Variants in ZSCAN18 observed in about 807,000 individuals in gnomAD.
ZSCAN18 encodes zinc finger and SCAN domain-containing protein 18.
Under a neutral mutation model 31.1 loss-of-function variants are expected in ZSCAN18, and 16 were observed. The ratio of observed to expected loss-of-function variants is 0.51; its 90% confidence interval spans 0.35 to 0.78. The LOEUF (loss-of-function observed/expected upper bound fraction) is 0.78. Among genes scored for constraint, ZSCAN18 ranks in the 30% least tolerant of loss-of-function variants. ZSCAN18 has a pLI of 0.01. For synonymous variants in ZSCAN18, 375 were observed against 320.7 expected, an observed-to-expected ratio of 1.17 and a Z score of -1.81; for missense variants, 731 against 697.4, an observed-to-expected ratio of 1.05 and a Z score of -0.54.
chr19:58,090,360 GCTC>G lies in ZSCAN18; in HGVS notation c.-96_-94del. 1.9e-6 allele frequency: 3 copies of G among 1,593,268 alleles called. No homozygotes were observed. In the Middle Eastern group the frequency reaches 5.0e-4, roughly 266 times the overall value. On this transcript the variant is annotated 5_prime_UTR_variant, in exon 2 of 7. Transcript: ENST00000601144. This position sits in a 1 kb window ranked among gnomAD's most constrained non-coding sequence, Gnocchi z 4.7. ...CCAGGGATGACCAGATGCCCAGTGGGCTCAGGTGGTGCCAGAACCCACAGACCT... is the reference window on the plus strand; with the variant it reads ...CCAGGGATGACCAGATGCCCAGTGGGAGGTGGTGCCAGAACCCACAGACCT...
At chr19:58,096,671 G>A (rs2074525437) in intron 1 of ZSCAN18, among the ~76,000 whole-genome samples, 1 of 152,166 alleles carries the variant, frequency 6.6e-6, no homozygotes, top group African/African-American at 2.4e-5. Context: ...ACACTCATCG[G>A]CAGGGTCTAG....
Position 58,085,074 on chromosome 19 carries a change from G to A in ZSCAN18, c.1144C>T (p.Leu382Phe), listed in dbSNP as rs781361674. 1.7e-5 allele frequency: 28 copies of A among 1,603,078 alleles called. No individual in the cohort carries two copies. In the African/African-American group the frequency reaches 2.7e-4, roughly 15 times the overall value. The change falls in exon 7 of 7, where the codon CTC (leucine) becomes TTC (phenylalanine). Residue 382 changes from leucine to phenylalanine, a missense_variant. This residue lies in a region of ZSCAN18 where 597 missense variants were observed against 499.5 expected (regional missense o/e 1.20). Transcript: ENST00000601144. ...PHPEDGDGQS[L>F]EGVSSSGDSA... ...TCGCCGGAGCTAGAGACGCCCTCGA[G>A]GCTCTGCCCGTCCCCATCCTCGGGG...
chr19:58,094,651 G>C lies in ZSCAN18; in HGVS notation c.-120+3523C>G, dbSNP rs141716873. Among the ~76,000 whole-genome samples, 188 of 151,974 alleles carry C rather than the reference G, an allele frequency of 1.2e-3. 4 individuals are homozygous for C. In the East Asian group the frequency reaches 0.028, roughly 23 times the overall value. ...CCAGCACTTTGGGAGGCCACGGTAG[G>C]TGGACAGCTTGAGCCCAGGAGCTCA... On this transcript the variant is annotated intron_variant, in intron 1 of 6. Coordinates refer to ENST00000601144, the MANE Select transcript of ZSCAN18 (RefSeq NM_001145543.2).
chr19:58,087,110 C>G, intron 4 of ZSCAN18, 102 bp from the exon 5 acceptor site: 1 of 1,112,074 alleles, frequency 9.0e-7, no homozygotes, highest in Non-Finnish European at 1.3e-6. Flanking sequence ...CAGCCCTGGC[C>G]AGGGACTCTA....
rs932260112 is a variant in ZSCAN18 at position 58,090,906 on chromosome 19, A to T, written c.-119-520T>A. 3.3e-5 allele frequency among the ~76,000 whole-genome samples: 5 copies of T among 151,962 alleles called. No homozygotes were observed. Among genetic ancestry groups the T allele is most frequent in the African/African-American group, 4.8e-5 (2 of 41,482 alleles). On this transcript the variant is annotated intron_variant, in intron 1 of 6. Transcript: ENST00000601144. The surrounding 1 kb of genome is among the most constrained non-coding windows in gnomAD (Gnocchi z 4.7). Reference sequence around the variant, plus strand: ...CGCCCAGCATCATTACCAGAATTTTAAAAAATCAGTCATGAATAGGATGAA... The same window carrying T: ...CGCCCAGCATCATTACCAGAATTTTTAAAAATCAGTCATGAATAGGATGAA...
rs746647847 is a variant in ZSCAN18, at chr19:58,084,832, G to T, written c.1386C>A (p.Thr462=). The T allele has an allele frequency of 3.1e-6, 5 of 1,597,370 alleles. No homozygotes were observed. Among genetic ancestry groups the T allele is most frequent in the Non-Finnish European group, 4.3e-6 (5 of 1,174,622 alleles). The stretch of plus-strand genomic sequence containing the variant: ...GCGCGTAGCTTTTCTCCTTCTCGTG[G>T]GTCTTCTGGTGCTCGGCTAGGGCCA... ...FSLALAEHQK[T]HEKEKSYALG... Residue 462 remains threonine (T), a synonymous_variant, in exon 7 of 7, where the codon ACC becomes ACA. Coordinates refer to ENST00000601144, the MANE Select transcript of ZSCAN18 (RefSeq NM_001145543.2). The surrounding 1 kb of genome is among the most constrained non-coding windows in gnomAD (Gnocchi z 4.5).
At chr19:58,092,939 T>TA (rs1299786546) in intron 1 of ZSCAN18, among the ~76,000 whole-genome samples, 15 of 152,004 alleles carry the variant, frequency 9.9e-5, no homozygotes, top group African/African-American at 3.6e-4. Context: ...CACACCTGGC[T>TA]AATTTTTAAT....
upstream of ZSCAN18, chr19:58,098,405 T>C: frequency 5.1e-6 from 5 of 984,384 alleles, no homozygotes; most frequent in Non-Finnish European, 6.0e-6. Flanking sequence ...GGCGCCTGCG[T>C]CATTTTGGGC....
chr19:58,095,072 A>G (rs2074495193), intron 1 of ZSCAN18, among the ~76,000 whole-genome samples: 1 of 151,922 alleles, frequency 6.6e-6, no homozygotes, highest in Non-Finnish European at 1.5e-5. Context: ...AATACAAACA[A>G]AACAGGTCAC....
At chr19:58,086,536 CG>C (rs3833212) in intron 5 of ZSCAN18, 3 of 470,790 alleles carry the variant, frequency 6.4e-6, no homozygotes, top group African/African-American at 2.0e-5. Context: ...GAGTCTGAGT[CG>C]GGGGGCCTCC....
In ZSCAN18 at chr19:58,104,397, CA is replaced by C. The variant is rs201163925; in HGVS notation, c.130+13869del. On this transcript the variant is annotated intron_variant, in intron 1 of 1. Coordinates refer to the ZSCAN18 transcript ENST00000595721. ...GTCTCAAAAACAAAACAAAACAAAACAAAACAAAAAAAAAGTCTGGGCCGGG... is the reference window on the plus strand; with the variant it reads ...GTCTCAAAAACAAAACAAAACAAAACAAACAAAAAAAAAGTCTGGGCCGGG... Among the ~76,000 whole-genome samples, 97 of 119,394 alleles carry C rather than the reference CA, an allele frequency of 8.1e-4. 1 individual carries two copies. The highest frequency in any genetic ancestry group is 4.1e-3 in the African/African-American group (85 of 20,830). 78.3% of individuals were successfully genotyped at this position (119,394 alleles called of 152,430 possible).
intron 1 of ZSCAN18, chr19:58,109,324 A>T (rs2074660568): frequency 8.1e-7 from 1 of 1,231,570 alleles, no homozygotes. Flanking sequence ...AAAGGGGAAA[A>T]TTTTTGAATC....
chr19:58,110,449 C>T (rs184560081), intron 1 of ZSCAN18, among the ~76,000 whole-genome samples: 1 of 152,248 alleles, frequency 6.6e-6, no homozygotes, highest in East Asian at 1.9e-4. Context: ...ACTGTCTAGG[C>T]CACCCAACCC....
chr19:58,118,269 T>G, exon 1 of ZSCAN18: 1 of 1,449,916 alleles, frequency 6.9e-7, no homozygotes, highest in Non-Finnish European at 9.2e-7. Context: ...GACCCCACCC[T>G]CACTAGGCCT....
intron 1 of ZSCAN18, among the ~76,000 whole-genome samples, chr19:58,115,684 A>G (rs2074723797): frequency 6.6e-6 from 1 of 152,206 alleles, no homozygotes; most frequent in South Asian, 2.1e-4. Context: ...TCTAAATGCC[A>G]AGAGATGTGG....
At chr19:58,100,871 T>C (rs1807126507), upstream of ZSCAN18, among the ~76,000 whole-genome samples, 1 of 149,604 alleles carries the variant, frequency 6.7e-6, no homozygotes, top group African/African-American at 2.5e-5. Context: ...CAAAACTCCA[T>C]CTAAAAAAAA....
intron 6 of ZSCAN18, 94 bp from the exon 7 acceptor site, chr19:58,085,473 G>T: frequency 1.7e-6 from 2 of 1,147,166 alleles, no homozygotes; most frequent in Non-Finnish European, 2.4e-6. Context: ...CAGCGCACAG[G>T]GCTCCGGGCT....
chr19:58,115,897 A>G (rs1013355477), intron 1 of ZSCAN18, among the ~76,000 whole-genome samples: 24 of 152,238 alleles, frequency 1.6e-4, no homozygotes, highest in African/African-American at 5.3e-4. Context: ...AAGGATACAC[A>G]TTCAACTTGC....
chr19:58,085,428 G>T, intron 6 of ZSCAN18, 49 bp from the exon 7 acceptor site: 2 of 1,476,432 alleles, frequency 1.4e-6, no homozygotes, highest in South Asian at 1.3e-5. Context: ...CAGGGCCAGG[G>T]AGAGGAGGAC....
Sources: gnomAD v4.1 joint callset for allele counts (sites outside exome capture counted in the v4.1 genomes callset) on GRCh38, gnomAD v4.1.1 for gene constraint, gnomAD v4.1.1 regional missense constraint, Gnocchi (gnomAD v3.1) non-coding constraint, MANE v1.5 for transcripts, NCBI Gene and HGNC (gene_info 2026-07-23, HGNC 2026-07-21) for gene names.